TRIM49B: variants seen among roughly 807,000 people sequenced by gnomAD.
TRIM49B encodes putative tripartite motif-containing protein 49B.
Under a neutral mutation model 31.8 loss-of-function variants are expected in TRIM49B, and 18 were observed. The ratio of observed to expected loss-of-function variants is 0.57; its 90% CI spans 0.39 to 0.84. TRIM49B has a LOEUF of 0.84. Ranked by LOEUF, TRIM49B falls within the 40% of genes least tolerant of loss-of-function variation. TRIM49B has a pLI of 0.00. For missense variants in TRIM49B, 494 were observed against 538.7 expected (o/e 0.92, Z 0.82); for synonymous variants, 196 against 180.6 (o/e 1.09, Z -0.68).
At chr11:49,034,933 G>A (rs867827016) in intron 4 of TRIM49B, among the ~76,000 whole-genome samples, 162 bp from the exon 5 acceptor site, 21 of 152,232 alleles carry the variant, frequency 1.4e-4, no homozygotes, top group African/African-American at 5.1e-4. Flanking sequence ...ACAACTGACT[G>A]GGTTTTTCAT....
intron 1 of TRIM49B, among the ~76,000 whole-genome samples, chr11:49,030,837 C>T (rs1854434643): frequency 6.6e-6 from 1 of 152,128 alleles, no homozygotes; most frequent in South Asian, 2.1e-4. Context: ...TAACAAAAAC[C>T]TCCTATATGT....
chr11:49,033,646 T>C (rs1372656671), intron 3 of TRIM49B, among the ~76,000 whole-genome samples: 2 of 151,982 alleles, frequency 1.3e-5, no homozygotes, highest in East Asian at 3.9e-4. Flanking sequence ...TAGAAGGAAA[T>C]GAATTCAGGG....
chr11:49,036,263 T>C, intron 5 of TRIM49B, 38 bp from the exon 6 acceptor site: 4 of 1,587,184 alleles, frequency 2.5e-6, no homozygotes, highest in Non-Finnish European at 3.4e-6. Context: ...ATTTATTTTA[T>C]GGCTGTAGAT....
intron 1 of TRIM49B, 78 bp from the exon 2 acceptor site, chr11:49,031,518 C>T (rs956421280): frequency 6.4e-7 from 1 of 1,560,970 alleles, no homozygotes; most frequent in African/African-American, 1.4e-5. Flanking sequence ...GAAAATATAA[C>T]TATCACATAT....
Position 49,037,784 on chromosome 11 carries a change from G to GCAGTC in TRIM49B, c.1167_1171dup (p.Leu391ProfsTer21). The GCAGTC allele has an allele frequency of 6.2e-7, 1 of 1,613,914 alleles. No individual in the cohort carries two copies. Among genetic ancestry groups the GCAGTC allele is most frequent in the South Asian group, 1.1e-5 (1 of 91,064 alleles). On this transcript the variant is annotated frameshift_variant, in exon 7 of 7. Coordinates refer to ENST00000332682, the MANE Select transcript of TRIM49B (RefSeq NM_001206626.2). LOFTEE classifies it low-confidence loss of function (END_TRUNC). ...GGGTGTGTTAAGAATGACATTCAAC[G>GCAGTC]CAGTCTCTTTACCACCTCCCCACTT...
chr11:49,036,080 C>CAA (rs10700622), intron 5 of TRIM49B, among the ~76,000 whole-genome samples: 32,541 of 149,876 alleles, frequency 0.22, 3,759 homozygotes, highest in African/African-American at 0.29. Context: ...ACATTTGGGG[C>CAA]AAAAAAAAAG....
At chr11:49,032,131 T>C in intron 2 of TRIM49B, 121 bp downstream of exon 2, 4 of 1,584,194 alleles carry the variant, frequency 2.5e-6, no homozygotes, top group Non-Finnish European at 3.4e-6. Context: ...GTTTGGGCTT[T>C]CTTAGCTTCC....
chr11:49,035,448 C>T (rs1023953098), intron 5 of TRIM49B, among the ~76,000 whole-genome samples: 4 of 148,288 alleles, frequency 2.7e-5, no homozygotes, highest in Admixed American at 6.8e-5. Flanking sequence ...CAAGCTCCGC[C>T]TCCCGGGTTC....
chr11:49,037,835 C>A lies in TRIM49B; in HGVS notation c.1217C>A (p.Thr406Asn). Reference sequence around the variant, plus strand: ...CTGCTGCAATATATCCCAAGACCTACCAGCCGAGTAGGATTATTCCTGGAT... The same window carrying A: ...CTGCTGCAATATATCCCAAGACCTAACAGCCGAGTAGGATTATTCCTGGAT... Reference protein sequence around the residue: ...PLLLQYIPRPTSRVGLFLDCE... With the variant: ...PLLLQYIPRPNSRVGLFLDCE... Residue 406 changes from threonine (T) to asparagine (N), a missense_variant, in exon 7 of 7, where the codon ACC becomes AAC. Around this residue, in one of 3 missense-constraint regions of TRIM49B, gnomAD observed 233 missense variants for 281.4 expected, o/e 0.83. Transcript: ENST00000332682. The A allele has an allele frequency of 6.2e-7, 1 of 1,613,932 alleles. No homozygotes were observed. The highest frequency in any genetic ancestry group is 8.5e-7 in the Non-Finnish European group (1 of 1,179,854).
chr11:49,033,387 AG>A (rs1368164093), intron 3 of TRIM49B, among the ~76,000 whole-genome samples: 1 of 152,064 alleles, frequency 6.6e-6, no homozygotes. Flanking sequence ...TTTGAAGAGG[AG>A]GGGGAACACA....
chr11:49,034,078 G>C, intron 3 of TRIM49B, 68 bp from the exon 4 acceptor site: 2 of 1,608,500 alleles, frequency 1.2e-6, no homozygotes, highest in East Asian at 4.5e-5. Context: ...GAGACAAAAG[G>C]AATCAGTGAG....
At chr11:49,034,822 G>GAA in intron 4 of TRIM49B, among the ~76,000 whole-genome samples, 1 of 152,064 alleles carries the variant, frequency 6.6e-6, no homozygotes, top group East Asian at 1.9e-4. Flanking sequence ...GGTTTTTCGT[G>GAA]GTTACCACAG....
intron 3 of TRIM49B, among the ~76,000 whole-genome samples, chr11:49,032,844 C>T (rs1565092073): frequency 6.6e-6 from 1 of 152,020 alleles, no homozygotes; most frequent in East Asian, 1.9e-4. Context: ...CTAGGGAAAC[C>T]ATGAAATTAA....
chr11:49,034,626 T>G (rs997984556), intron 4 of TRIM49B, among the ~76,000 whole-genome samples: 2 of 152,054 alleles, frequency 1.3e-5, no homozygotes, highest in Non-Finnish European at 2.9e-5. Context: ...CCAAGAAATA[T>G]TCCCCATCTA....
chr11:49,034,648 T>C (rs1854497537), intron 4 of TRIM49B, among the ~76,000 whole-genome samples: 1 of 152,226 alleles, frequency 6.6e-6, no homozygotes. Context: ...TTCAATAATA[T>C]ACTTTGGGTT....
intron 1 of TRIM49B, among the ~76,000 whole-genome samples, chr11:49,029,309 G>T (rs1388693136): frequency 1.3e-5 from 2 of 152,108 alleles, no homozygotes; most frequent in Non-Finnish European, 2.9e-5. Context: ...AATTGAGAAG[G>T]CATTAATGAA....
At chr11:49,035,451 C>G (rs906867680) in intron 5 of TRIM49B, among the ~76,000 whole-genome samples, 7 of 145,364 alleles carry the variant, frequency 4.8e-5, no homozygotes, top group Admixed American at 1.5e-4. Context: ...GCTCCGCCTC[C>G]CGGGTTCACA....
Position 49,031,949 on chromosome 11 carries a change from G to C in TRIM49B, c.350G>C (p.Ser117Thr), listed in dbSNP as rs765664165. 1.2e-6 allele frequency: 2 copies of C among 1,612,038 alleles called. No individual in the cohort carries two copies. Among genetic ancestry groups the C allele is most frequent in the Admixed American group, 1.7e-5 (1 of 60,024 alleles). ...DRSLLCLLCS[S>T]SQEHRDHRHC... ...AGCCTGCTCTGTTTGCTGTGCTCCA[G>C]CTCTCAGGAGCACCGGGATCACAGA... Residue 117 changes from serine to threonine, a missense_variant, in exon 2 of 7, where the codon AGC (serine) becomes ACC (threonine). By Grantham distance (58) the Ser-to-Thr change is moderately conservative. Transcript: ENST00000332682.
rs761067855 is a variant in TRIM49B at position 49,031,859 on chromosome 11, G to T, written c.260G>T (p.Ser87Ile). 9.9e-6 allele frequency: 16 copies of T among 1,613,806 alleles called. No individual in the cohort carries two copies. The highest frequency in any genetic ancestry group is 1.4e-5 in the Non-Finnish European group (16 of 1,179,872). Residue 87 changes from serine (S) to isoleucine (I), a missense_variant, in exon 2 of 7, where the codon AGC becomes ATC. By Grantham distance (142) the Ser-to-Ile change is moderately radical. Transcript: ENST00000332682. ...AAAGTCAGTCTCTGGCTATTCCTGA[G>T]CTCTGAGGAGCAAATGTGTGGCACT... is the stretch of plus-strand genomic sequence containing the variant. ...ARKVSLWLFLSSEEQMCGTHR... is the reference protein window; with the variant it reads ...ARKVSLWLFLISEEQMCGTHR...
Sources: gnomAD v4.1 joint callset for allele counts (sites outside exome capture counted in the v4.1 genomes callset) on GRCh38, gnomAD v4.1.1 for gene constraint, gnomAD v4.1.1 regional missense constraint, MANE v1.5 for transcripts, NCBI Gene and HGNC (gene_info 2026-07-23, HGNC 2026-07-21) for gene names.